Variants in LRP1B observed in about 807,000 individuals in gnomAD.
LRP1B encodes the protein LDL receptor related protein 1B.
A neutral mutation model predicts 556.6 loss-of-function variants in LRP1B; 217 were observed. That is an observed-to-expected ratio of 0.39 (90% confidence interval 0.35 to 0.44). The LOEUF (loss-of-function observed/expected upper bound fraction) is 0.44, where lower values mean the gene tolerates loss of function less well. Among genes scored for constraint, LRP1B ranks in the 20% least tolerant of loss-of-function variants. The pLI is 1.00. For missense variants in LRP1B, 5,053 were observed against 5,620.8 expected (o/e 0.90, Z 3.23); for synonymous variants, 2,047 against 1,865.8 (o/e 1.10, Z -2.50).
chr2:140,902,332 A>G (rs1471474823), intron 23 of LRP1B, among the ~76,000 whole-genome samples: 2 of 152,152 alleles, frequency 1.3e-5, no homozygotes, highest in Non-Finnish European at 2.9e-5. Flanking sequence ...AGAAATGGTT[A>G]AAATGGGCAA....
chr2:140,971,868 C>T (rs144194295), intron 18 of LRP1B, among the ~76,000 whole-genome samples: 2 of 152,156 alleles, frequency 1.3e-5, no homozygotes, highest in East Asian at 1.9e-4. Flanking sequence ...ATTATTTTTC[C>T]GAAAATACAG....
At chr2:141,805,001 A>G (rs1696125152) in intron 2 of LRP1B, among the ~76,000 whole-genome samples, 2 of 152,026 alleles carry the variant, frequency 1.3e-5, no homozygotes, top group South Asian at 4.1e-4. Flanking sequence ...TGCCTGCCCA[A>G]TATCTCTTCT....
chr2:141,182,755 T>C (rs1681061554), intron 7 of LRP1B, among the ~76,000 whole-genome samples: 1 of 151,778 alleles, frequency 6.6e-6, no homozygotes, highest in Admixed American at 6.6e-5. Flanking sequence ...CATCTGATTG[T>C]GGATAGCTAA....
At chr2:141,565,648 A>G (rs1686304530) in intron 2 of LRP1B, among the ~76,000 whole-genome samples, 1 of 152,236 alleles carries the variant, frequency 6.6e-6, no homozygotes, top group African/African-American at 2.4e-5. Flanking sequence ...ACACTTCCTA[A>G]CATTCCTGCA....
At chr2:141,007,961 T>A (rs1338572396) in intron 14 of LRP1B, among the ~76,000 whole-genome samples, 3 of 151,606 alleles carry the variant, frequency 2.0e-5, no homozygotes, top group Non-Finnish European at 3.0e-5. Context: ...CTAAATTAAT[T>A]TGAATAATTC....
chr2:141,850,915 G>T (rs1388660404), intron 1 of LRP1B, among the ~76,000 whole-genome samples: 1 of 151,588 alleles, frequency 6.6e-6, no homozygotes, highest in Non-Finnish European at 1.5e-5. Flanking sequence ...ACATACTGAT[G>T]GGAATTATGA....
At chr2:140,510,289 T>G (rs2104918812) in intron 51 of LRP1B, among the ~76,000 whole-genome samples, 1 of 152,302 alleles carries the variant, frequency 6.6e-6, no homozygotes, top group East Asian at 1.9e-4. Context: ...AGCTACATGG[T>G]AGAAAATAAT....
chr2:140,750,475 C>G (rs955516575), intron 35 of LRP1B, among the ~76,000 whole-genome samples: 1 of 152,096 alleles, frequency 6.6e-6, no homozygotes, highest in Non-Finnish European at 1.5e-5. Flanking sequence ...TATGTGCAAA[C>G]ATATGTGTGC....
chr2:141,327,694 T>A (rs1687475171), intron 3 of LRP1B, among the ~76,000 whole-genome samples: 1 of 152,178 alleles, frequency 6.6e-6, no homozygotes, highest in Non-Finnish European at 1.5e-5. Context: ...ATGTACATGG[T>A]CAATGAATGT....
chr2:140,687,513 AAACTC>A (rs1335437590), intron 41 of LRP1B, among the ~76,000 whole-genome samples: 1 of 152,110 alleles, frequency 6.6e-6, no homozygotes, highest in Non-Finnish European at 1.5e-5. Context: ...TATGTAATTA[AAACTC>A]AACTAAGAAA....
chr2:141,180,649 A>C (rs1457174427), intron 7 of LRP1B, among the ~76,000 whole-genome samples: 1 of 151,936 alleles, frequency 6.6e-6, no homozygotes, highest in Non-Finnish European at 1.5e-5. Context: ...TGTGTTATCC[A>C]GGATGCTCCC....
intron 2 of LRP1B, among the ~76,000 whole-genome samples, chr2:141,558,988 T>C (rs991346414): frequency 4.0e-5 from 6 of 151,574 alleles, no homozygotes; most frequent in Admixed American, 6.6e-5. Context: ...CTCCTAACTT[T>C]AGCCTTAGGT....
In LRP1B at chr2:140,998,002, T is replaced by C. The variant is rs909673301; in HGVS notation, c.2504-3867A>G. On this transcript the variant is annotated intron_variant, in intron 15 of 90. Transcript: ENST00000389484. ...ATAAATATTCATCTGGATGGGCTTC[T>C]AAACTTTTTACTGCCTTAAACTTTT... Among the ~76,000 whole-genome samples the C allele has an allele frequency of 8.5e-5, 13 of 152,156 alleles. No individual in the cohort carries two copies. In the Middle Eastern group the frequency reaches 0.017, roughly 199 times the overall value.
intron 3 of LRP1B, among the ~76,000 whole-genome samples, chr2:141,347,844 T>G (rs1463584427): frequency 1.3e-5 from 2 of 152,058 alleles, no homozygotes; most frequent in Non-Finnish European, 2.9e-5. Flanking sequence ...TATTAAAAAC[T>G]AAAGTCATGA....
chr2:141,276,921 G>C lies in LRP1B; in HGVS notation c.344-22280C>G, dbSNP rs575390141. Among the ~76,000 whole-genome samples the C allele has an allele frequency of 2.0e-5, 3 of 152,250 alleles. No individual in the cohort carries two copies. In the South Asian group the frequency reaches 6.2e-4, roughly 32 times the overall value. ...TCTGCCCGCCTCGGCCTCCCAGAGT[G>C]CTGGGATTACAGGCGCGAGACACCG... On this transcript the variant is annotated intron_variant, in intron 3 of 90. Transcript: ENST00000389484.
chr2:141,530,138 C>A (rs1197582826), intron 2 of LRP1B, among the ~76,000 whole-genome samples: 3 of 151,988 alleles, frequency 2.0e-5, no homozygotes, highest in Non-Finnish European at 2.9e-5. Flanking sequence ...CATAATACTC[C>A]AGGATTATTG....
In LRP1B at chr2:141,982,580, G is replaced by A. The variant is rs6717479; in HGVS notation, c.82+148068C>T. ...TTTGCTCTATCTCTGTGAACAACTC[G>A]GCTATTATGATCTTTTTACAGAATG... On this transcript the variant is annotated intron_variant, in intron 1 of 90. Coordinates refer to ENST00000389484, the MANE Select transcript of LRP1B (RefSeq NM_018557.3). 2.9e-3 allele frequency among the ~76,000 whole-genome samples: 444 copies of A among 152,160 alleles called. 2 individuals carry two copies. The highest frequency in any genetic ancestry group is 9.7e-3 in the African/African-American group (401 of 41,510).
At chr2:140,310,367 C>A (rs1181862191) in intron 83 of LRP1B, among the ~76,000 whole-genome samples, 1 of 146,140 alleles carries the variant, frequency 6.8e-6, no homozygotes, top group African/African-American at 2.5e-5. Flanking sequence ...ATACCAATGC[C>A]ATTTTTCCCA....
intron 3 of LRP1B, among the ~76,000 whole-genome samples, chr2:141,463,933 C>T (rs1201969980): frequency 6.7e-6 from 1 of 149,888 alleles, no homozygotes; most frequent in African/African-American, 2.5e-5. Context: ...GCCATAAAAT[C>T]CTGTGCTATG....
Sources: allele counts gnomAD v4.1 joint callset (sites outside exome capture counted in the v4.1 genomes callset), GRCh38; gene constraint gnomAD v4.1.1; transcripts MANE v1.5; gene names NCBI Gene and HGNC (gene_info 2026-07-23, HGNC 2026-07-21).